Variants in IRS1 observed in about 807,000 individuals in gnomAD.
The protein encoded by IRS1 is insulin receptor substrate 1.
In IRS1, 34 loss-of-function variants were observed where a neutral mutation model predicts 65.6. The ratio of observed to expected loss-of-function variants is 0.52; its 90% CI spans 0.39 to 0.69. The LOEUF (loss-of-function observed/expected upper bound fraction) is 0.69, where lower values mean the gene tolerates loss of function less well. Among genes scored for constraint, IRS1 ranks in the 30% least tolerant of loss-of-function variants. The probability of loss-of-function intolerance (pLI) is 0.00; values close to 1 mark genes in which losing one functional copy is unlikely to be tolerated. For missense variants in IRS1, 1,641 were observed against 1,720.2 expected, an observed-to-expected ratio of 0.95 and a Z score of 0.81; for synonymous variants, 699 against 683.5, an observed-to-expected ratio of 1.02 and a Z score of -0.35.
chr2:226,752,699 G>A (rs911902066), intron 1 of IRS1, among the ~76,000 whole-genome samples: 1 of 152,198 alleles, frequency 6.6e-6, no homozygotes, highest in Non-Finnish European at 1.5e-5. Context: ...GAGACAGAGT[G>A]AGAATACATT....
chr2:226,798,076 G>A lies in IRS1; in HGVS notation c.663C>T (p.Phe221=), dbSNP rs745659344. ...IRRCGHSENF[F]FIEVGRSAVT... ...CGGCAGAACGGCCCACCTCGATGAAGAAGAAGTTTTCCGAGTGGCCACAGC... is the reference window on the plus strand; with the variant it reads ...CGGCAGAACGGCCCACCTCGATGAAAAAGAAGTTTTCCGAGTGGCCACAGC... The change falls in exon 1 of 2, where the codon TTC becomes TTT. Residue 221 remains phenylalanine (F), a synonymous_variant. Transcript: ENST00000305123. The surrounding 1 kb of genome is among the most constrained non-coding windows in gnomAD (Gnocchi z 9.4). The A allele has an allele frequency of 6.2e-7, 1 of 1,614,064 alleles. No homozygotes were observed. The highest frequency in any genetic ancestry group is 8.5e-7 in the Non-Finnish European group (1 of 1,180,012).
rs1409920968 is a variant in IRS1, at chr2:226,796,835, A to C, written c.1904T>G (p.Met635Arg). 2.6e-6 allele frequency: 4 copies of C among 1,557,000 alleles called. No homozygotes were observed. The African/African-American group carries it at 5.4e-5, about 21-fold the overall frequency. Residue 635 changes from methionine (M) to arginine (R), a missense_variant, in exon 1 of 2, where the codon ATG becomes AGG. This residue lies in a region of IRS1 where 1,324 missense variants were observed against 1,361.0 expected (regional missense o/e 0.97). Transcript: ENST00000305123. ...TGGGGCAGATACGCTCTTGGGGCTC[A>C]TGGGCATATAGTCTCCACTGCCCTT... ...GRKGSGDYMP[M>R]SPKSVSAPQQ...
intron 1 of IRS1, among the ~76,000 whole-genome samples, chr2:226,791,749 G>T (rs1401674939): frequency 6.6e-6 from 1 of 151,874 alleles, no homozygotes; most frequent in Non-Finnish European, 1.5e-5. Flanking sequence ...GCGCCCAACC[G>T]CCCCGCCCGC....
rs1166061758 is a variant in IRS1, at chr2:226,731,690, A to G, written c.*4582T>C. 1 of 152,220 alleles carries G rather than the reference A, an allele frequency of 6.6e-6. No individual in the cohort carries two copies. Among genetic ancestry groups the G allele is most frequent in the African/African-American group, 2.4e-5 (1 of 41,460 alleles). 9.4% of individuals were successfully genotyped at this position (152,220 alleles called of 1,614,324 possible). A position where few individuals can be genotyped will look rare whatever the true frequency, so the allele number is the denominator to read the frequency against. Reference sequence around the variant, plus strand: ...GGGGCAGCACCACCATCTTAAGATGATAAACCAAACTGCACATACATTAAA... The same window carrying G: ...GGGGCAGCACCACCATCTTAAGATGGTAAACCAAACTGCACATACATTAAA... On this transcript the variant is annotated 3_prime_UTR_variant, in exon 2 of 2. Transcript: ENST00000305123.
chr2:226,797,186 T>C lies in IRS1; in HGVS notation c.1553A>G (p.Asp518Gly), dbSNP rs1939751899. Residue 518 changes from aspartate (D) to glycine (G), a missense_variant, in exon 1 of 2, where the codon GAT becomes GGT. Asp to Gly is a moderately conservative substitution (Grantham distance 94). Coordinates refer to ENST00000305123, the MANE Select transcript of IRS1 (RefSeq NM_005544.3). This position sits in a 1 kb window ranked among gnomAD's most constrained non-coding sequence, Gnocchi z 8.1. ...GTGAGTTCTCTTTCGGAACCGATTA[T>C]CCAGATCTGCAGCACTGGCTGCTTC... Reference protein sequence around the residue: ...GDEAASAADLDNRFRKRTHSA... With the variant: ...GDEAASAADLGNRFRKRTHSA... The C allele has an allele frequency of 6.2e-7, 1 of 1,613,834 alleles. No individual in the cohort carries two copies. Among genetic ancestry groups the C allele is most frequent in the South Asian group, 1.1e-5 (1 of 91,076 alleles).
intron 1 of IRS1, among the ~76,000 whole-genome samples, chr2:226,757,343 A>C (rs907521278): frequency 3.9e-5 from 6 of 152,138 alleles, no homozygotes; most frequent in Admixed American, 3.9e-4. Context: ...GCTGAGGCAC[A>C]GTGGCTCACA....
intron 1 of IRS1, among the ~76,000 whole-genome samples, chr2:226,785,987 T>G (rs1032648335): frequency 6.9e-6 from 1 of 144,840 alleles, no homozygotes; most frequent in Non-Finnish European, 1.5e-5. Context: ...AGTGAGAACA[T>G]GCGGTGTTTG....
At chr2:226,779,806 T>C (rs73083636) in intron 1 of IRS1, among the ~76,000 whole-genome samples, 14,596 of 152,174 alleles carry the variant, frequency 0.096, 1,279 homozygotes, top group African/African-American at 0.24. Context: ...CTTTGGTCAT[T>C]ACACCAGTCC....
At chr2:226,783,784 T>C (rs1574658098) in intron 1 of IRS1, among the ~76,000 whole-genome samples, 2 of 152,222 alleles carry the variant, frequency 1.3e-5, no homozygotes, top group South Asian at 2.1e-4. Context: ...ATCCCCTTGA[T>C]GCTGGGTGTG....
At chr2:226,763,369 T>A (rs2106167802) in intron 1 of IRS1, among the ~76,000 whole-genome samples, 1 of 152,338 alleles carries the variant, frequency 6.6e-6, no homozygotes, top group Middle Eastern at 3.4e-3. Context: ...ATTAAGGCTG[T>A]CTTGGAAGAC....
At position 226,797,790 on chromosome 2, in the gene IRS1, C is replaced by T; in HGVS notation, c.949G>A (p.Val317Met). Residue 317 changes from valine (V) to methionine (M), a missense_variant, in exon 1 of 2, where the codon GTG (valine) becomes ATG (methionine). By Grantham distance (21) the Val-to-Met change is conservative. This residue lies in a region of IRS1 where 1,324 missense variants were observed against 1,361.0 expected (regional missense o/e 0.97). Transcript: ENST00000305123. This position sits in a 1 kb window ranked among gnomAD's most constrained non-coding sequence, Gnocchi z 8.1. The stretch of plus-strand genomic sequence containing the variant: ...CGGAAGGAGCCTGGCTTCCCGCCCA[C>T]CATGCTGGCCGGGGAGGTGGCGGTG... ...SITATSPASM[V>M]GGKPGSFRVR... is the part of the protein sequence containing the mutation. The T allele has an allele frequency of 6.3e-7, 1 of 1,596,946 alleles. No individual in the cohort carries two copies. The highest frequency in any genetic ancestry group is 2.2e-5 in the East Asian group (1 of 44,654).
chr2:226,778,062 CTT>C (rs1939308392), intron 1 of IRS1, among the ~76,000 whole-genome samples: 3 of 151,972 alleles, frequency 2.0e-5, no homozygotes, highest in Admixed American at 6.6e-5. Context: ...CTTATTTCCT[CTT>C]TTAGCAAACT....
At chr2:226,736,921 G>C (rs555940755) in intron 1 of IRS1, among the ~76,000 whole-genome samples, 12 of 152,230 alleles carry the variant, frequency 7.9e-5, no homozygotes, top group African/African-American at 2.9e-4. Context: ...TTCCCCTTCA[G>C]AGTGAAGACT....
chr2:226,777,071 C>A (rs1245401463), intron 1 of IRS1, among the ~76,000 whole-genome samples: 1 of 152,046 alleles, frequency 6.6e-6, no homozygotes, highest in Admixed American at 6.6e-5. Context: ...TGATTAAATG[C>A]CATGTGGTAT....
At position 226,795,077 on chromosome 2, in the gene IRS1, C is replaced by A; in HGVS notation, c.3662G>T (p.Arg1221Leu). 3.0e-6 allele frequency: 4 copies of A among 1,313,982 alleles called. No individual in the cohort carries two copies. The highest frequency in any genetic ancestry group is 4.0e-6 in the Non-Finnish European group (4 of 1,001,814). 81.4% of individuals were successfully genotyped at this position (1,313,982 alleles called of 1,614,324 possible). The change falls in exon 1 of 2, where the codon CGC becomes CTC. Residue 1221 changes from arginine (R) to leucine (L), a missense_variant. By Grantham distance (102) the Arg-to-Leu change is moderately radical. Around this residue, in one of 3 missense-constraint regions of IRS1, gnomAD observed 1,324 missense variants for 1,361.0 expected, o/e 0.97. Transcript: ENST00000305123. ...LGSGESSSTR[R>L]SSEDLSAYAS... is the part of the protein sequence containing the mutation. ...ATAGGCGCTTAAATCCTCACTTGAG[C>A]GGCGGGTGGAGCTGCTCTCACCGCT...
chr2:226,779,597 TA>T (rs1248702562), intron 1 of IRS1, among the ~76,000 whole-genome samples: 3 of 152,260 alleles, frequency 2.0e-5, no homozygotes, highest in African/African-American at 7.2e-5. Context: ...AAGTCTTATT[TA>T]AAATAAAATA....
chr2:226,737,565 C>T (rs16822574), intron 1 of IRS1, among the ~76,000 whole-genome samples: 10,880 of 152,248 alleles, frequency 0.071, 524 homozygotes, highest in East Asian at 0.19. Context: ...GTGTAGAAAG[C>T]TGGATTCTGT....
chr2:226,768,761 G>A (rs1032261354), intron 1 of IRS1, among the ~76,000 whole-genome samples: 2 of 151,972 alleles, frequency 1.3e-5, no homozygotes, highest in African/African-American at 4.8e-5. Context: ...CTCAGCCTCC[G>A]GAGTAGCTGG....
intron 1 of IRS1, among the ~76,000 whole-genome samples, chr2:226,750,827 G>C (rs1261907738): frequency 6.6e-6 from 1 of 152,136 alleles, no homozygotes; most frequent in Non-Finnish European, 1.5e-5. Flanking sequence ...GGATCTGCTG[G>C]GGATTTTGTT....
Sources: gnomAD v4.1 joint callset for allele counts (sites outside exome capture counted in the v4.1 genomes callset) on GRCh38, gnomAD v4.1.1 for gene constraint, gnomAD v4.1.1 regional missense constraint, Gnocchi (gnomAD v3.1) non-coding constraint, MANE v1.5 for transcripts, NCBI Gene and HGNC (gene_info 2026-07-23, HGNC 2026-07-21) for gene names.